Variants in FHOD3 observed in about 807,000 individuals in gnomAD.
FHOD3 encodes formin homology 2 domain containing 3, also known as FH1/FH2 domain-containing protein 3.
FHOD3 carries 90 observed loss-of-function variants against 173.0 expected under a neutral mutation model. The ratio of observed to expected loss-of-function variants is 0.52; its 90% confidence interval spans 0.44 to 0.62. FHOD3 has a LOEUF of 0.62. Among genes scored for constraint, FHOD3 ranks in the 20% least tolerant of loss-of-function variants. The pLI is 0.00. For missense variants in FHOD3, 1,945 were observed against 2,034.7 expected (o/e 0.96, Z 0.85); for synonymous variants, 828 against 823.0 (o/e 1.01, Z -0.10).
At chr18:36,757,623 G>A (rs915049814) in intron 25 of FHOD3, among the ~76,000 whole-genome samples, 2 of 152,140 alleles carry the variant, frequency 1.3e-5, no homozygotes, top group African/African-American at 4.8e-5. Context: ...AATAAAATGA[G>A]GATGCAAGTG....
At chr18:36,763,175 T>C (rs1406702224) in intron 27 of FHOD3, among the ~76,000 whole-genome samples, 4 of 148,314 alleles carry the variant, frequency 2.7e-5, no homozygotes, top group African/African-American at 9.8e-5. Context: ...ATGTGTATTA[T>C]ATACGCTATA....
At chr18:36,605,623 A>G (rs898761425) in intron 8 of FHOD3, among the ~76,000 whole-genome samples, 7 of 150,790 alleles carry the variant, frequency 4.6e-5, no homozygotes, top group African/African-American at 1.7e-4. Flanking sequence ...GGTCATCACC[A>G]AGGTATAATT....
chr18:36,741,598 T>C (rs1231690013), intron 21 of FHOD3, among the ~76,000 whole-genome samples: 1 of 152,002 alleles, frequency 6.6e-6, no homozygotes, highest in Non-Finnish European at 1.5e-5. Context: ...AGTGAGACCC[T>C]GTCTCTACAG....
At chr18:36,455,376 T>G (rs932249996) in intron 3 of FHOD3, among the ~76,000 whole-genome samples, 1 of 152,190 alleles carries the variant, frequency 6.6e-6, no homozygotes, top group Non-Finnish European at 1.5e-5. Context: ...AGGGACGAGT[T>G]CTGGGATGGG....
chr18:36,334,392 T>A (rs1489705195), intron 1 of FHOD3, among the ~76,000 whole-genome samples: 6 of 152,204 alleles, frequency 3.9e-5, no homozygotes. Context: ...TCACTTTTGT[T>A]CTAGGAGGAG....
chr18:36,578,867 T>A (rs2058750464), intron 6 of FHOD3, among the ~76,000 whole-genome samples: 1 of 152,192 alleles, frequency 6.6e-6, no homozygotes, highest in African/African-American at 2.4e-5. Context: ...GGTTTTCTTT[T>A]TCTAGTACTT....
intron 2 of FHOD3, among the ~76,000 whole-genome samples, chr18:36,359,493 A>C (rs17564972): frequency 0.5 from 75,917 of 152,140 alleles, 19,936 homozygotes; most frequent in African/African-American, 0.65. Context: ...CCTGCAGCCT[A>C]CAGGTTATTT....
chr18:36,700,928 A>G (rs4799426), intron 17 of FHOD3, among the ~76,000 whole-genome samples: 52,135 of 151,908 alleles, frequency 0.34, 8,993 homozygotes, highest in South Asian at 0.47. Flanking sequence ...TCTCTTCTCT[A>G]AAGCCGCCCT....
At chr18:36,550,639 A>T (rs1599616922) in intron 5 of FHOD3, among the ~76,000 whole-genome samples, 1 of 152,188 alleles carries the variant, frequency 6.6e-6, no homozygotes, top group African/African-American at 2.4e-5. Context: ...AATTTTCAGT[A>T]TACAGACATT....
chr18:36,709,042 C>T, intron 17 of FHOD3, 53 bp from the exon 18 acceptor site: 2 of 1,577,112 alleles, frequency 1.3e-6, no homozygotes, highest in Non-Finnish European at 1.7e-6. Context: ...CACCTCACTT[C>T]ACCCTTCCAA....
intron 25 of FHOD3, among the ~76,000 whole-genome samples, chr18:36,758,751 C>T (rs1002076073): frequency 6.6e-6 from 1 of 152,204 alleles, no homozygotes; most frequent in Non-Finnish European, 1.5e-5. Flanking sequence ...ATGTGGCCAG[C>T]CAAGCCATAT....
At chr18:36,467,207 C>A (rs2052995687) in intron 3 of FHOD3, among the ~76,000 whole-genome samples, 1 of 152,154 alleles carries the variant, frequency 6.6e-6, no homozygotes, top group Admixed American at 6.5e-5. Context: ...GTCTTAGGAG[C>A]CTCACATGCC....
intron 3 of FHOD3, among the ~76,000 whole-genome samples, chr18:36,477,544 CACCTACCTACCTACCTACCTACCTACCT>C (rs61272960): frequency 0.01 from 664 of 63,514 alleles, 5 homozygotes; most frequent in Middle Eastern, 0.07. Flanking sequence ...CCCACCCACC[CACCTACCTACCTACCTACCTACCTACCT>C]ACCTACCTAC....
intron 3 of FHOD3, among the ~76,000 whole-genome samples, chr18:36,466,305 A>G (rs1379017153): frequency 6.6e-6 from 1 of 152,186 alleles, no homozygotes; most frequent in East Asian, 1.9e-4. Context: ...CTGGCTCAAT[A>G]AGACAGGTAT....
At chr18:36,547,909 T>G (rs2057478441) in intron 5 of FHOD3, among the ~76,000 whole-genome samples, 1 of 152,188 alleles carries the variant, frequency 6.6e-6, no homozygotes, top group South Asian at 2.1e-4. Context: ...AAAACAATTT[T>G]GGGCCTGGCA....
intron 3 of FHOD3, among the ~76,000 whole-genome samples, chr18:36,435,281 C>A (rs1304939955): frequency 1.3e-5 from 2 of 151,868 alleles, no homozygotes; most frequent in African/African-American, 4.8e-5. Context: ...ACTGCTAAAA[C>A]CACTGTGTAT....
At chr18:36,320,437 G>C (rs1314331557) in intron 1 of FHOD3, among the ~76,000 whole-genome samples, 1 of 152,194 alleles carries the variant, frequency 6.6e-6, no homozygotes, top group Admixed American at 6.5e-5. Flanking sequence ...AAACCAGGAA[G>C]AAGTTGAATC....
intron 5 of FHOD3, among the ~76,000 whole-genome samples, chr18:36,531,600 G>C (rs17566163): frequency 0.022 from 3,346 of 152,304 alleles, 63 homozygotes; most frequent in Non-Finnish European, 0.031. Flanking sequence ...CAGTACCTAA[G>C]ATTACATGGA....
intron 23 of FHOD3, among the ~76,000 whole-genome samples, chr18:36,745,092 G>T (rs1033750434): frequency 1.3e-5 from 2 of 152,114 alleles, no homozygotes; most frequent in African/African-American, 2.4e-5. Flanking sequence ...ATGTGGGTTG[G>T]CTGCTGAGGC....
Sources: allele counts gnomAD v4.1 joint callset (sites outside exome capture counted in the v4.1 genomes callset), GRCh38; gene constraint gnomAD v4.1.1; transcripts MANE v1.5; gene names NCBI Gene and HGNC (gene_info 2026-07-23, HGNC 2026-07-21).